The following NRG1 variants were observed in gnomAD, a reference collection of about 807,000 sequenced individuals.
NRG1 encodes the protein neuregulin 1, also known as pro-neuregulin-1, membrane-bound isoform.
Under a neutral mutation model 63.8 loss-of-function variants are expected in NRG1, and 18 were observed. That is an observed-to-expected ratio of 0.28 (90% CI 0.19 to 0.42). The LOEUF is 0.42. NRG1 is among the 10% of genes least tolerant of loss of function. NRG1 has a pLI of 1.00. For synonymous variants in NRG1, 302 were observed against 301.3 expected, an observed-to-expected ratio of 1.00 and a Z score of -0.02; for missense variants, 762 against 814.7, an observed-to-expected ratio of 0.94 and a Z score of 0.79.
chr8:31,853,450 T>C (rs1297345435), intron 1 of NRG1, among the ~76,000 whole-genome samples: 115 of 149,222 alleles, frequency 7.7e-4, no homozygotes, highest in Non-Finnish European at 7.4e-4. Context: ...GTGATTTTTG[T>C]ACATTGATTT....
intron 5 of NRG1, among the ~76,000 whole-genome samples, chr8:32,694,990 G>C (rs1163273651): frequency 6.6e-6 from 1 of 152,152 alleles, no homozygotes; most frequent in African/African-American, 2.4e-5. Flanking sequence ...CGAAAGGTGA[G>C]AGCGGATGAA....
chr8:32,245,018 T>C (rs2129469940), intron 1 of NRG1, among the ~76,000 whole-genome samples: 1 of 152,266 alleles, frequency 6.6e-6, no homozygotes, highest in South Asian at 2.1e-4. Flanking sequence ...ATGTTCTTGA[T>C]GATGTTCAGT....
intron 1 of NRG1, among the ~76,000 whole-genome samples, chr8:32,354,799 T>TA (rs1563351585): frequency 1.3e-4 from 18 of 134,662 alleles, no homozygotes; most frequent in South Asian, 4.7e-4. Flanking sequence ...GCTGCTTTTT[T>TA]TAAAAAAAAA....
intron 5 of NRG1, among the ~76,000 whole-genome samples, chr8:32,636,570 T>A (rs970561899): frequency 1.3e-5 from 2 of 152,160 alleles, no homozygotes; most frequent in African/African-American, 4.8e-5. Flanking sequence ...AGAATAAGCT[T>A]AGCATCTAAC....
At chr8:32,645,855 C>T (rs1180749283) in intron 5 of NRG1, among the ~76,000 whole-genome samples, 1 of 152,078 alleles carries the variant, frequency 6.6e-6, no homozygotes, top group Non-Finnish European at 1.5e-5. Context: ...AAGAACAGTG[C>T]ATTTCTTCTA....
In NRG1 at chr8:32,612,749, A is replaced by G. The variant is rs62500233; in HGVS notation, c.401-1765A>G. ...AAAAATAAATTTGAAAAGAGTCTTG[A>G]TATCCGAATTGGGATTGGGACTTCT... On this transcript the variant is annotated intron_variant, in intron 3 of 11. Transcript: ENST00000356819. 2.3e-3 allele frequency among the ~76,000 whole-genome samples: 346 copies of G among 152,144 alleles called. 1 individual carries two copies. The highest frequency in any genetic ancestry group is 3.3e-3 in the Non-Finnish European group (226 of 67,936).
At chr8:31,800,342 T>C (rs1484806958) in intron 1 of NRG1, among the ~76,000 whole-genome samples, 1 of 152,204 alleles carries the variant, frequency 6.6e-6, no homozygotes, top group African/African-American at 2.4e-5. Flanking sequence ...TTTACTCTGG[T>C]CAGGTGAAAA....
chr8:32,392,018 C>A (rs765381966), intron 1 of NRG1, among the ~76,000 whole-genome samples: 47 of 152,138 alleles, frequency 3.1e-4, no homozygotes, highest in Non-Finnish European at 6.0e-4. Flanking sequence ...AGGAAAAGAG[C>A]AGTTGGGCAC....
chr8:31,812,489 A>C (rs1822983822), intron 1 of NRG1, among the ~76,000 whole-genome samples: 1 of 152,108 alleles, frequency 6.6e-6, no homozygotes, highest in African/African-American at 2.4e-5. Context: ...TTGAAGCTGG[A>C]ATACCCAATT....
At chr8:32,416,584 C>T (rs1324173534) in intron 1 of NRG1, among the ~76,000 whole-genome samples, 1 of 152,170 alleles carries the variant, frequency 6.6e-6, no homozygotes, top group Non-Finnish European at 1.5e-5. Context: ...AAGTCTCACC[C>T]CTAAGCTCCT....
intron 5 of NRG1, among the ~76,000 whole-genome samples, chr8:32,710,135 A>G (rs1817444734): frequency 6.6e-6 from 1 of 152,206 alleles, no homozygotes. Flanking sequence ...ACTTTTAATT[A>G]AGGAGTGCTA....
chr8:32,446,837 T>C (rs1820307388), intron 1 of NRG1, among the ~76,000 whole-genome samples: 2 of 152,066 alleles, frequency 1.3e-5, no homozygotes, highest in Admixed American at 6.6e-5. Context: ...CTCATTTCCA[T>C]GCAAAGCTTC....
At chr8:32,772,099 C>A (rs1322287667), downstream of NRG1, among the ~76,000 whole-genome samples, 29 of 138,090 alleles carry the variant, frequency 2.1e-4, no homozygotes, top group South Asian at 9.2e-4. Flanking sequence ...AAAATCCCAC[C>A]AAAAGTCTGC....
chr8:32,683,069 A>G (rs1419644223), intron 5 of NRG1, among the ~76,000 whole-genome samples: 3 of 152,204 alleles, frequency 2.0e-5, no homozygotes. Context: ...TTTATGCACA[A>G]CAAGAATTCT....
chr8:32,447,951 C>T (rs1241829889), intron 1 of NRG1, among the ~76,000 whole-genome samples: 9 of 151,682 alleles, frequency 5.9e-5, no homozygotes, highest in African/African-American at 2.2e-4. Context: ...ATAATTTTTT[C>T]CAAAGTGTTA....
intron 1 of NRG1, among the ~76,000 whole-genome samples, chr8:32,424,845 G>A (rs1817147534): frequency 6.6e-6 from 1 of 152,070 alleles, no homozygotes; most frequent in Non-Finnish European, 1.5e-5. Context: ...GGGTGAGAGT[G>A]AGATCCTCTG....
intron 1 of NRG1, among the ~76,000 whole-genome samples, chr8:31,959,138 C>T (rs1050826744): frequency 6.6e-5 from 10 of 152,148 alleles, no homozygotes; most frequent in South Asian, 2.1e-4. Flanking sequence ...TCAATAAATA[C>T]CAGTTTCTTT....
chr8:31,977,030 C>G (rs760326577), intron 1 of NRG1, among the ~76,000 whole-genome samples: 41 of 152,088 alleles, frequency 2.7e-4, no homozygotes, highest in Non-Finnish European at 5.0e-4. Flanking sequence ...GCATTAATCT[C>G]GACTACACTA....
At chr8:31,909,109 C>T (rs1405438442) in intron 1 of NRG1, among the ~76,000 whole-genome samples, 2 of 151,972 alleles carry the variant, frequency 1.3e-5, no homozygotes, top group Non-Finnish European at 2.9e-5. Flanking sequence ...ACTTTGTGGC[C>T]CTTCATCATA....
Sources: allele counts gnomAD v4.1 joint callset (sites outside exome capture counted in the v4.1 genomes callset), GRCh38; gene constraint gnomAD v4.1.1; transcripts MANE v1.5; gene names NCBI Gene and HGNC (gene_info 2026-07-23, HGNC 2026-07-21).